Variants in COL22A1 observed in about 807,000 individuals in gnomAD.
COL22A1 encodes collagen alpha-1(XXII) chain.
Under a neutral mutation model 248.9 loss-of-function variants are expected in COL22A1, and 221 were observed. The observed-to-expected ratio is 0.89, with a 90% CI of 0.80 to 0.99. COL22A1 has a LOEUF of 0.99. Among genes scored for constraint, COL22A1 ranks in the 50% least tolerant of loss-of-function variants. The probability of loss-of-function intolerance (pLI) is 0.00; values close to 1 mark genes in which losing one functional copy is unlikely to be tolerated. For missense variants in COL22A1, 2,240 were observed against 2,179.0 expected, an observed-to-expected ratio of 1.03 and a Z score of -0.56; for synonymous variants, 891 against 793.4, an observed-to-expected ratio of 1.12 and a Z score of -2.07.
At chr8:138,710,606 T>TATATGTAG (rs150247137) in intron 30 of COL22A1, among the ~76,000 whole-genome samples, 8 of 147,842 alleles carry the variant, frequency 5.4e-5, no homozygotes, top group Admixed American at 5.4e-4. Context: ...TATCTATCTA[T>TATATGTAG]CTATATATAT....
At chr8:138,883,031 G>A in intron 2 of COL22A1, 51 bp downstream of exon 2, 1 of 1,462,638 alleles carries the variant, frequency 6.8e-7, no homozygotes, top group Non-Finnish European at 9.3e-7. Flanking sequence ...ACGGACACAT[G>A]CTGTCTGCTC....
rs1554661289 is a variant in COL22A1 at position 138,902,733 on chromosome 8, T to TATCTA, written c.-73+10885_-73+10886insTAGAT. Among the ~76,000 whole-genome samples the TATCTA allele has an allele frequency of 2.8e-3, 252 of 91,588 alleles. 1 individual carries two copies. The highest frequency in any genetic ancestry group is 9.9e-3 in the African/African-American group (234 of 23,660). The allele number at this position is 91,588 out of a possible 152,430, so 60.1% of individuals were successfully genotyped here. On this transcript the variant is annotated intron_variant, in intron 1 of 64. Transcript: ENST00000303045. ...AAAAAAAAAAATTTATAAATATATA[T>TATCTA]ATATATACACACACACACACACACA...
At chr8:138,848,078 C>T (rs1050875438) in intron 3 of COL22A1, among the ~76,000 whole-genome samples, 1 of 152,168 alleles carries the variant, frequency 6.6e-6, no homozygotes, top group Admixed American at 6.5e-5. Context: ...CCTTCAGGAG[C>T]AGCATAAGAA....
intron 44 of COL22A1, among the ~76,000 whole-genome samples, chr8:138,659,720 G>C (rs141942101): frequency 9.5e-4 from 144 of 152,348 alleles, no homozygotes; most frequent in Non-Finnish European, 1.7e-3. Flanking sequence ...TGTCCCAGGA[G>C]ATGAGGGTGC....
At chr8:138,826,302 T>G (rs1819574287) in intron 6 of COL22A1, among the ~76,000 whole-genome samples, 2 of 152,158 alleles carry the variant, frequency 1.3e-5, no homozygotes, top group Non-Finnish European at 2.9e-5. Context: ...CCTGAGCCAG[T>G]GCCCTCCACT....
intron 45 of COL22A1, among the ~76,000 whole-genome samples, chr8:138,652,377 G>T (rs1287786884): frequency 6.6e-6 from 1 of 152,206 alleles, no homozygotes; most frequent in Non-Finnish European, 1.5e-5. Context: ...GACACAGAGT[G>T]AAAGCATAGT....
chr8:138,755,643 C>T, intron 19 of COL22A1, 132 bp from the exon 20 acceptor site: 1 of 1,340,170 alleles, frequency 7.5e-7, no homozygotes, highest in South Asian at 1.2e-5. Context: ...TTCTCTGATT[C>T]TGCCCCATTT....
chr8:138,621,782 G>A (rs1257902096), intron 52 of COL22A1, among the ~76,000 whole-genome samples: 2 of 152,184 alleles, frequency 1.3e-5, no homozygotes, highest in African/African-American at 4.8e-5. Flanking sequence ...AGTGCTCAGT[G>A]CCCCACCCTA....
At chr8:138,781,514 G>A in intron 12 of COL22A1, among the ~76,000 whole-genome samples, 1 of 152,106 alleles carries the variant, frequency 6.6e-6, no homozygotes, top group East Asian at 1.9e-4. Context: ...GGGAACCACT[G>A]GGCTAGAAAA....
intron 44 of COL22A1, among the ~76,000 whole-genome samples, chr8:138,658,719 T>A (rs1823516594): frequency 6.6e-6 from 1 of 152,192 alleles, no homozygotes; most frequent in Non-Finnish European, 1.5e-5. Context: ...TTTTCTGAGT[T>A]CTGTGAGTCC....
intron 6 of COL22A1, among the ~76,000 whole-genome samples, 155 bp downstream of exon 6, chr8:138,826,503 C>T (rs1819591481): frequency 6.6e-6 from 1 of 152,126 alleles, no homozygotes; most frequent in African/African-American, 2.4e-5. Context: ...ATGACATCCC[C>T]CCTGCAGGTC....
At chr8:138,610,101 T>C (rs1287189108) in intron 56 of COL22A1, among the ~76,000 whole-genome samples, 1 of 152,262 alleles carries the variant, frequency 6.6e-6, no homozygotes, top group Non-Finnish European at 1.5e-5. Context: ...GTCCAAATCC[T>C]GGCTGTGCCA....
At chr8:138,745,259 G>T (rs1832015877) in intron 22 of COL22A1, among the ~76,000 whole-genome samples, 2 of 151,660 alleles carry the variant, frequency 1.3e-5, no homozygotes, top group South Asian at 4.2e-4. Context: ...GAGACTCAGT[G>T]CTACAGAGCA....
At chr8:138,759,188 C>G (rs1247980800) in intron 18 of COL22A1, among the ~76,000 whole-genome samples, 2 of 152,226 alleles carry the variant, frequency 1.3e-5, no homozygotes, top group African/African-American at 4.8e-5. Flanking sequence ...CCATCCTAAG[C>G]TGAGGTCTGT....
rs567742464 is a variant in COL22A1, at chr8:138,613,296, G to A, written c.3978+571C>T. Among the ~76,000 whole-genome samples the A allele has an allele frequency of 3.3e-5, 5 of 151,848 alleles. No homozygotes were observed. In the East Asian group the frequency reaches 9.8e-4, roughly 30 times the overall value. On this transcript the variant is annotated intron_variant, in intron 56 of 64. Coordinates refer to ENST00000303045, the MANE Select transcript of COL22A1 (RefSeq NM_152888.3). ...GGGGGATTTTTGGAGAGAGACACAA[G>A]CAGGGAGAACACAATGTGAAGATGA... is the stretch of plus-strand genomic sequence containing the variant.
At chr8:138,619,576 T>C in intron 52 of COL22A1, 68 bp from the exon 53 acceptor site, 2 of 1,464,556 alleles carry the variant, frequency 1.4e-6, no homozygotes, top group Non-Finnish European at 1.9e-6. Flanking sequence ...CCTGGCTCTC[T>C]GTGTTTCCTA....
chr8:138,616,827 AT>A (rs1819363388), intron 54 of COL22A1, 86 bp downstream of exon 54: 2 of 1,505,194 alleles, frequency 1.3e-6, no homozygotes, highest in African/African-American at 2.7e-5. Flanking sequence ...AGGCACTGCC[AT>A]GGCCTGCAGG....
At chr8:138,830,590 C>T (rs982834103) in intron 5 of COL22A1, among the ~76,000 whole-genome samples, 1 of 152,204 alleles carries the variant, frequency 6.6e-6, no homozygotes. Flanking sequence ...GAGCCAAATC[C>T]GTGACCGGAA....
At chr8:138,617,733 T>A (rs1477811525) in intron 53 of COL22A1, among the ~76,000 whole-genome samples, 2 of 152,212 alleles carry the variant, frequency 1.3e-5, no homozygotes, top group Non-Finnish European at 2.9e-5. Context: ...CTGGGCTGAC[T>A]GTGAGTTAGG....
Sources: gnomAD v4.1 joint callset for allele counts (sites outside exome capture counted in the v4.1 genomes callset) on GRCh38, gnomAD v4.1.1 for gene constraint, MANE v1.5 for transcripts, NCBI Gene and HGNC (gene_info 2026-07-23, HGNC 2026-07-21) for gene names.